JAM2: variants seen among roughly 807,000 people sequenced by gnomAD.
JAM2 encodes the protein junctional adhesion molecule B.
JAM2 carries 17 observed loss-of-function variants against 42.0 expected under a neutral mutation model. The observed-to-expected ratio is 0.40, with a 90% confidence interval of 0.28 to 0.61. The LOEUF is 0.61. Ranked by LOEUF, JAM2 falls within the 20% of genes least tolerant of loss-of-function variation. The pLI is 0.37. For synonymous variants in JAM2, 118 were observed against 128.6 expected (o/e 0.92, Z 0.56); for missense variants, 319 against 358.3 (o/e 0.89, Z 0.89).
intron 4 of JAM2, among the ~76,000 whole-genome samples, chr21:25,697,189 C>G (rs1346979403): frequency 6.6e-6 from 1 of 152,004 alleles, no homozygotes; most frequent in South Asian, 2.1e-4. Flanking sequence ...CTGTAATCAG[C>G]CAGAGAAAAC....
chr21:25,660,782 ATTTTTTTTT>A (rs869192568), intron 1 of JAM2, among the ~76,000 whole-genome samples: 1 of 41,326 alleles, frequency 2.4e-5, no homozygotes, highest in Non-Finnish European at 3.7e-5. Context: ...ATATATATAT[ATTTTTTTTT>A]TTTTTTTTTT....
chr21:25,684,049 C>A (rs2033697318), intron 2 of JAM2, 101 bp downstream of exon 2: 1 of 690,730 alleles, frequency 1.4e-6, no homozygotes, highest in Admixed American at 3.1e-5. Context: ...CTCTGCCTTA[C>A]CTTCTACTAA....
intron 1 of JAM2, among the ~76,000 whole-genome samples, chr21:25,660,782 ATTTTTTTTTTTT>A (rs869192568): frequency 4.8e-5 from 2 of 41,314 alleles, no homozygotes; most frequent in East Asian, 1.0e-3. Context: ...ATATATATAT[ATTTTTTTTTTTT>A]TTTTTTTTTT....
rs539853600 is a variant in JAM2, at chr21:25,677,049, G to C, written c.68-6834G>C. Among the ~76,000 whole-genome samples, 514 of 152,170 alleles carry C rather than the reference G, an allele frequency of 3.4e-3. 2 individuals are homozygous for C. The highest frequency in any genetic ancestry group is 5.6e-3 in the Non-Finnish European group (378 of 67,988). On this transcript the variant is annotated intron_variant, in intron 1 of 9. Transcript: ENST00000480456. ...AAGTAAATAGAATTAGAGGAAGAAA[G>C]GTAGCTAGAAGGAGAAGATACTTAA...
chr21:25,697,289 A>C (rs940938164), intron 4 of JAM2, among the ~76,000 whole-genome samples: 1 of 152,100 alleles, frequency 6.6e-6, no homozygotes, highest in African/African-American at 2.4e-5. Flanking sequence ...CCTTAGTTAC[A>C]TTTCCAAAAT....
intron 2 of JAM2, among the ~76,000 whole-genome samples, chr21:25,687,952 T>C (rs189424526): frequency 6.6e-6 from 1 of 152,344 alleles, no homozygotes; most frequent in Admixed American, 6.5e-5. Context: ...CTTTATTATG[T>C]TTCTTGTTTA....
At chr21:25,671,529 A>T (rs1416540206) in intron 1 of JAM2, among the ~76,000 whole-genome samples, 1 of 151,890 alleles carries the variant, frequency 6.6e-6, no homozygotes, top group Non-Finnish European at 1.5e-5. Flanking sequence ...TCTTTGAGAC[A>T]GAGTCTTGCT....
intron 1 of JAM2, among the ~76,000 whole-genome samples, chr21:25,650,091 G>A (rs1234754058): frequency 1.3e-5 from 2 of 152,306 alleles, no homozygotes; most frequent in East Asian, 3.9e-4. Flanking sequence ...CTTCGTGAGG[G>A]TGGCAGAGTC....
intron 1 of JAM2, among the ~76,000 whole-genome samples, chr21:25,660,352 A>T (rs900143555): frequency 1.3e-5 from 2 of 152,182 alleles, no homozygotes; most frequent in Non-Finnish European, 2.9e-5. Flanking sequence ...CTCAGTTTAT[A>T]AAAAAAGCAT....
At chr21:25,686,317 C>T (rs1299514725) in intron 2 of JAM2, among the ~76,000 whole-genome samples, 1 of 152,110 alleles carries the variant, frequency 6.6e-6, no homozygotes, top group Non-Finnish European at 1.5e-5. Flanking sequence ...GTATATGTGT[C>T]TCCATCATTC....
intron 1 of JAM2, among the ~76,000 whole-genome samples, chr21:25,641,906 TC>T (rs1053792174): frequency 6.6e-6 from 1 of 152,170 alleles, no homozygotes; most frequent in Non-Finnish European, 1.5e-5. Context: ...TGGTCAAGTA[TC>T]TGGTAGAATG....
rs186784566 is a variant in JAM2, at chr21:25,704,730, A to G, written c.698-1249A>G. Among the ~76,000 whole-genome samples the G allele has an allele frequency of 3.9e-4, 60 of 152,224 alleles. No homozygotes were observed. In the East Asian group the frequency reaches 9.6e-3, roughly 24 times the overall value. The stretch of plus-strand genomic sequence containing the variant: ...AAGATGGAGAAATATGGTCCAAACA[A>G]TATTTTGGTGGATCCACACACAGTT... On this transcript the variant is annotated intron_variant, in intron 6 of 9. Coordinates refer to ENST00000480456, the MANE Select transcript of JAM2 (RefSeq NM_021219.4).
At chr21:25,677,033 GA>G (rs2033513837) in intron 1 of JAM2, among the ~76,000 whole-genome samples, 2 of 151,972 alleles carry the variant, frequency 1.3e-5, no homozygotes, top group Non-Finnish European at 2.9e-5. Context: ...GAAGTAAATA[GA>G]ATTAGAGGAA....
chr21:25,664,403 T>G (rs2033164781), intron 1 of JAM2, among the ~76,000 whole-genome samples: 1 of 152,118 alleles, frequency 6.6e-6, no homozygotes, highest in Non-Finnish European at 1.5e-5. Flanking sequence ...GCCCAGCTAA[T>G]TTTTGTATTT....
intron 4 of JAM2, among the ~76,000 whole-genome samples, chr21:25,694,844 A>AT (rs913174505): frequency 6.1e-5 from 9 of 148,366 alleles, no homozygotes; most frequent in South Asian, 4.4e-4. Context: ...TCAAAAAAAA[A>AT]AAAAATAAAA....
At chr21:25,709,781 C>T (rs2034345868) in intron 8 of JAM2, 3 of 209,968 alleles carry the variant, frequency 1.4e-5, no homozygotes, top group South Asian at 1.6e-4. Context: ...GGAGCAGGCA[C>T]GTCACATGGC....
At chr21:25,653,821 T>C (rs1294278286) in intron 1 of JAM2, among the ~76,000 whole-genome samples, 1 of 152,178 alleles carries the variant, frequency 6.6e-6, no homozygotes, top group South Asian at 2.1e-4. Flanking sequence ...ACTAATGAGA[T>C]TGTGCCCAAA....
intron 4 of JAM2, among the ~76,000 whole-genome samples, chr21:25,697,005 CT>C (rs2034052132): frequency 6.9e-6 from 1 of 144,214 alleles, no homozygotes; most frequent in Non-Finnish European, 1.5e-5. Context: ...AGGCACACAC[CT>C]ATTTTTTTTT....
Position 25,681,717 on chromosome 21 carries a change from T to C in JAM2, c.68-2166T>C, listed in dbSNP as rs913429392. ...TGCTTGCCTGGCCGGGCACAGTGGC[T>C]CACGCCTGTAATCCCAGCACTTTGG... On this transcript the variant is annotated intron_variant, in intron 1 of 9. Coordinates refer to ENST00000480456, the MANE Select transcript of JAM2 (RefSeq NM_021219.4). Among the ~76,000 whole-genome samples, 155 of 152,180 alleles carry C rather than the reference T, an allele frequency of 1.0e-3. 11 individuals carry two copies. Among genetic ancestry groups the C allele is most frequent in the African/African-American group, 2.4e-5 (1 of 41,438 alleles).
Sources: allele counts gnomAD v4.1 joint callset (sites outside exome capture counted in the v4.1 genomes callset), GRCh38; gene constraint gnomAD v4.1.1; transcripts MANE v1.5; gene names NCBI Gene and HGNC (gene_info 2026-07-23, HGNC 2026-07-21).